CDH12: variants seen among roughly 807,000 people sequenced by gnomAD.
CDH12 encodes the protein cadherin 12.
Under a neutral mutation model 74.1 loss-of-function variants are expected in CDH12, and 41 were observed. That is an observed-to-expected ratio of 0.55 (90% CI 0.43 to 0.72). The LOEUF (loss-of-function observed/expected upper bound fraction) is 0.72. CDH12 is among the 30% of genes least tolerant of loss of function. The probability of loss-of-function intolerance (pLI) is 0.00; values close to 1 mark genes in which losing one functional copy is unlikely to be tolerated. For missense variants in CDH12, 945 were observed against 977.2 expected, an observed-to-expected ratio of 0.97 and a Z score of 0.44; for synonymous variants, 399 against 355.0, an observed-to-expected ratio of 1.12 and a Z score of -1.39.
At chr5:21,879,399 C>T (rs911067590) in intron 6 of CDH12, among the ~76,000 whole-genome samples, 2 of 149,708 alleles carry the variant, frequency 1.3e-5, no homozygotes, top group African/African-American at 5.1e-5. Context: ...TGAACTTAAC[C>T]TAGTGCCTCC....
chr5:22,414,857 A>C (rs1393732717), intron 2 of CDH12, among the ~76,000 whole-genome samples: 1 of 152,058 alleles, frequency 6.6e-6, no homozygotes, highest in Non-Finnish European at 1.5e-5. Flanking sequence ...AGACTATTTT[A>C]AAATAATTTG....
chr5:22,090,806 T>C (rs1410506264), intron 4 of CDH12, among the ~76,000 whole-genome samples: 1 of 151,896 alleles, frequency 6.6e-6, no homozygotes, highest in Non-Finnish European at 1.5e-5. Context: ...CCCATGTCAA[T>C]AGAATAAAGA....
At chr5:22,507,190 C>T (rs756864084) in intron 1 of CDH12, among the ~76,000 whole-genome samples, 3 of 152,082 alleles carry the variant, frequency 2.0e-5, no homozygotes, top group Non-Finnish European at 4.4e-5. Flanking sequence ...ATGCCATAGA[C>T]TGCAACAATA....
intron 1 of CDH12, among the ~76,000 whole-genome samples, chr5:22,681,257 GTGTGTGTA>G (rs1561573542): frequency 9.9e-5 from 15 of 151,474 alleles, no homozygotes; most frequent in East Asian, 9.7e-4. Flanking sequence ...GTGTGTGTGT[GTGTGTGTA>G]TTAGATAAGT....
intron 1 of CDH12, among the ~76,000 whole-genome samples, chr5:22,736,398 A>G (rs1744726484): frequency 6.6e-6 from 1 of 151,798 alleles, no homozygotes; most frequent in African/African-American, 2.4e-5. Context: ...TTTGCAAAAG[A>G]TATTTGCAAG....
intron 2 of CDH12, among the ~76,000 whole-genome samples, chr5:22,483,995 G>A (rs1746490955): frequency 6.6e-6 from 1 of 151,038 alleles, no homozygotes. Context: ...GTAAGAAATT[G>A]TTTATAGCAA....
chr5:22,684,634 C>A (rs186602350), intron 1 of CDH12, among the ~76,000 whole-genome samples: 117 of 152,298 alleles, frequency 7.7e-4, no homozygotes, highest in African/African-American at 2.5e-3. Context: ...TCAGAGAAAT[C>A]TCTCAAAGAA....
intron 2 of CDH12, among the ~76,000 whole-genome samples, chr5:22,460,301 T>G (rs1006847735): frequency 6.6e-6 from 1 of 152,236 alleles, no homozygotes; most frequent in South Asian, 2.1e-4. Context: ...TTATTCATCT[T>G]ACAAATGCCT....
chr5:22,308,691 G>A, intron 3 of CDH12, among the ~76,000 whole-genome samples: 1 of 151,996 alleles, frequency 6.6e-6, no homozygotes, highest in Non-Finnish European at 1.5e-5. Flanking sequence ...TCCTTAACTT[G>A]ATCACATCGA....
chr5:22,819,016 CACTG>C (rs1307363816), intron 1 of CDH12, among the ~76,000 whole-genome samples: 1 of 152,026 alleles, frequency 6.6e-6, no homozygotes, highest in Non-Finnish European at 1.5e-5. Flanking sequence ...AGTTCAGGAA[CACTG>C]ACTGACCCAC....
intron 8 of CDH12, among the ~76,000 whole-genome samples, chr5:21,832,843 CAT>C (rs1433508383): frequency 9.0e-5 from 8 of 89,212 alleles, no homozygotes; most frequent in Admixed American, 3.6e-4. Flanking sequence ...TAATATAAAT[CAT>C]ATGATATATG....
At chr5:22,184,711 C>G (rs1749834002) in intron 4 of CDH12, among the ~76,000 whole-genome samples, 1 of 152,210 alleles carries the variant, frequency 6.6e-6, no homozygotes. Context: ...AGAACCAGCT[C>G]AAAGTCTGGA....
intron 1 of CDH12, among the ~76,000 whole-genome samples, chr5:22,691,207 C>T (rs1370832855): frequency 6.6e-6 from 1 of 152,106 alleles, no homozygotes; most frequent in Non-Finnish European, 1.5e-5. Context: ...TTGCATAGAA[C>T]TGAAAAAAGC....
At chr5:22,809,167 A>T (rs1035856758) in intron 1 of CDH12, among the ~76,000 whole-genome samples, 3 of 151,894 alleles carry the variant, frequency 2.0e-5, no homozygotes, top group African/African-American at 7.2e-5. Flanking sequence ...GAGGTGACTA[A>T]TTTTGAGTGC....
At chr5:22,104,723 T>A (rs1282374845) in intron 4 of CDH12, among the ~76,000 whole-genome samples, 1 of 152,226 alleles carries the variant, frequency 6.6e-6, no homozygotes, top group Non-Finnish European at 1.5e-5. Context: ...TCCTCTTTAC[T>A]TCAGACTTTT....
chr5:22,613,775 A>G (rs963748561), intron 1 of CDH12, among the ~76,000 whole-genome samples: 1 of 152,070 alleles, frequency 6.6e-6, no homozygotes. Flanking sequence ...TTGGGGGTAA[A>G]AGAAGATGTT....
At chr5:22,148,549 AT>A (rs1013281332) in intron 4 of CDH12, among the ~76,000 whole-genome samples, 1 of 151,470 alleles carries the variant, frequency 6.6e-6, no homozygotes, top group African/African-American at 2.4e-5. Flanking sequence ...ACAGAAATTG[AT>A]TTTTTTTACA....
intron 5 of CDH12, among the ~76,000 whole-genome samples, chr5:22,052,376 G>A (rs1740434239): frequency 6.6e-6 from 1 of 151,958 alleles, no homozygotes; most frequent in African/African-American, 2.4e-5. Context: ...TCTCCTTTCA[G>A]CCAGTGTTTG....
intron 5 of CDH12, among the ~76,000 whole-genome samples, chr5:22,062,668 C>A (rs555688672): frequency 1.5e-3 from 235 of 152,218 alleles, no homozygotes; most frequent in African/African-American, 5.6e-3. Flanking sequence ...TGCAAAGGTT[C>A]TCAGATATGT....
Sources: gnomAD v4.1 joint callset for allele counts (sites outside exome capture counted in the v4.1 genomes callset) on GRCh38, gnomAD v4.1.1 for gene constraint, MANE v1.5 for transcripts, NCBI Gene and HGNC (gene_info 2026-07-23, HGNC 2026-07-21) for gene names.